SKAP2: variants seen among roughly 807,000 people sequenced by gnomAD.
SKAP2 encodes src kinase associated phosphoprotein 2.
In SKAP2, 28 loss-of-function variants were observed where a neutral mutation model predicts 54.9. The ratio of observed to expected loss-of-function variants is 0.51; its 90% CI spans 0.38 to 0.70. The LOEUF (loss-of-function observed/expected upper bound fraction) is 0.70. Among genes scored for constraint, SKAP2 ranks in the 30% least tolerant of loss-of-function variants. The pLI is 0.00. For synonymous variants in SKAP2, 137 were observed against 134.3 expected, an observed-to-expected ratio of 1.02 and a Z score of -0.14; for missense variants, 356 against 424.1, an observed-to-expected ratio of 0.84 and a Z score of 1.41.
intron 4 of SKAP2, among the ~76,000 whole-genome samples, chr7:26,840,356 G>A (rs1784795788): frequency 6.6e-6 from 1 of 152,056 alleles, no homozygotes; most frequent in Non-Finnish European, 1.5e-5. Flanking sequence ...CTAGCTCACT[G>A]AATCCTTTCA....
intron 1 of SKAP2, among the ~76,000 whole-genome samples, chr7:26,855,651 G>C (rs1785146817): frequency 6.6e-6 from 1 of 151,944 alleles, no homozygotes; most frequent in Non-Finnish European, 1.5e-5. Flanking sequence ...TTCCCTCATA[G>C]CCTCTTTTTT....
chr7:26,719,925 G>C (rs886491965), intron 9 of SKAP2, among the ~76,000 whole-genome samples: 16 of 152,190 alleles, frequency 1.1e-4, no homozygotes, highest in African/African-American at 3.6e-4. Flanking sequence ...TTACATCCCT[G>C]TGGCCAGGGT....
At chr7:26,703,632 C>T (rs1198237833) in intron 9 of SKAP2, among the ~76,000 whole-genome samples, 1 of 152,036 alleles carries the variant, frequency 6.6e-6, no homozygotes, top group African/African-American at 2.4e-5. Flanking sequence ...ATCTGGACAA[C>T]AGAACTATAA....
chr7:26,827,359 A>T (rs191071427), intron 4 of SKAP2, among the ~76,000 whole-genome samples: 2 of 152,346 alleles, frequency 1.3e-5, no homozygotes. Flanking sequence ...ATTCCAAATG[A>T]AAAACTTTCA....
chr7:26,806,472 G>T (rs1413897886), intron 4 of SKAP2, among the ~76,000 whole-genome samples: 1 of 152,172 alleles, frequency 6.6e-6, no homozygotes, highest in Non-Finnish European at 1.5e-5. Context: ...AGCTACTCAG[G>T]AAACAGGTAG....
chr7:26,864,213 C>G, intron 1 of SKAP2, 150 bp downstream of exon 1: 1 of 876,724 alleles, frequency 1.1e-6, no homozygotes, highest in South Asian at 1.6e-5. Flanking sequence ...AACAACCCCT[C>G]TCCTCTCCTC....
At chr7:26,854,558 G>A (rs1785119724) in intron 2 of SKAP2, among the ~76,000 whole-genome samples, 1 of 151,942 alleles carries the variant, frequency 6.6e-6, no homozygotes, top group Non-Finnish European at 1.5e-5. Flanking sequence ...GCTGAACTCT[G>A]CTAGAATGCT....
At chr7:26,803,696 T>C (rs1783962557) in intron 4 of SKAP2, among the ~76,000 whole-genome samples, 1 of 152,212 alleles carries the variant, frequency 6.6e-6, no homozygotes, top group Non-Finnish European at 1.5e-5. Context: ...TTATTTATGA[T>C]AGCTAAGATT....
At chr7:26,741,516 G>C (rs1161603696) in intron 4 of SKAP2, among the ~76,000 whole-genome samples, 1 of 149,548 alleles carries the variant, frequency 6.7e-6, no homozygotes, top group Non-Finnish European at 1.5e-5. Flanking sequence ...TCCAGCCTGG[G>C]TAATAGAGTG....
At chr7:26,797,659 G>T (rs1293154846) in intron 4 of SKAP2, among the ~76,000 whole-genome samples, 1 of 152,062 alleles carries the variant, frequency 6.6e-6, no homozygotes, top group Non-Finnish European at 1.5e-5. Context: ...AGGAAAACAT[G>T]ACTTCACCAA....
At chr7:26,702,039 T>C (rs1426810489) in intron 9 of SKAP2, among the ~76,000 whole-genome samples, 1 of 152,228 alleles carries the variant, frequency 6.6e-6, no homozygotes, top group Non-Finnish European at 1.5e-5. Flanking sequence ...TATCTGCTTT[T>C]GTCCAATTTT....
chr7:26,864,422 T>C lies in SKAP2; in HGVS notation c.8A>G (p.Asn3Ser). Residue 3 changes from asparagine (N) to serine (S), a missense_variant, in exon 1 of 13, where the codon AAC (asparagine) becomes AGC (serine). By Grantham distance (46) the Asn-to-Ser change is conservative. Coordinates refer to ENST00000345317, the MANE Select transcript of SKAP2 (RefSeq NM_003930.5). MP[N>S]PSSTSSPYPL... Reference sequence around the variant, plus strand: ...GTAGGGAGAGGAGGTGCTGCTGGGGTTGGGCATGTTAGGGAGCGCAGGGCG... The same window carrying C: ...GTAGGGAGAGGAGGTGCTGCTGGGGCTGGGCATGTTAGGGAGCGCAGGGCG... The C allele has an allele frequency of 6.2e-7, 1 of 1,607,928 alleles. No homozygotes were observed. The highest frequency in any genetic ancestry group is 8.5e-7 in the Non-Finnish European group (1 of 1,177,038).
At chr7:26,775,530 C>CGT (rs59902431) in intron 4 of SKAP2, among the ~76,000 whole-genome samples, 218 of 146,300 alleles carry the variant, frequency 1.5e-3, no homozygotes, top group African/African-American at 4.1e-3. Context: ...TTTACTTGTA[C>CGT]GTGTGTGTGT....
the SKAP2 span, among the ~76,000 whole-genome samples, chr7:26,654,866 T>C: frequency 6.6e-6 from 1 of 152,230 alleles, no homozygotes; most frequent in South Asian, 2.1e-4. Context: ...GCTTTAAATA[T>C]GCAAACACAA....
intron 4 of SKAP2, among the ~76,000 whole-genome samples, chr7:26,841,804 C>T (rs1784822608): frequency 6.6e-6 from 1 of 151,942 alleles, no homozygotes; most frequent in African/African-American, 2.4e-5. Flanking sequence ...GAGTTTATAA[C>T]CCATTGAAGT....
At chr7:26,779,590 T>C (rs1445204709) in intron 4 of SKAP2, among the ~76,000 whole-genome samples, 1 of 152,038 alleles carries the variant, frequency 6.6e-6, no homozygotes, top group Non-Finnish European at 1.5e-5. Flanking sequence ...CTATAAAATA[T>C]ACTGTTTAAA....
At chr7:26,662,927 G>A (rs765184384), downstream of SKAP2, among the ~76,000 whole-genome samples, 12 of 152,092 alleles carry the variant, frequency 7.9e-5, no homozygotes, top group Non-Finnish European at 1.6e-4. Flanking sequence ...CTGAGGAGGA[G>A]GAGGAAAGTG....
intron 9 of SKAP2, among the ~76,000 whole-genome samples, chr7:26,697,049 T>C (rs1455162092): frequency 6.6e-6 from 1 of 152,114 alleles, no homozygotes; most frequent in Non-Finnish European, 1.5e-5. Flanking sequence ...TCTCATTTGA[T>C]AGAGTCAGGA....
chr7:26,742,985 C>A (rs1192044920), intron 4 of SKAP2, among the ~76,000 whole-genome samples: 5 of 151,892 alleles, frequency 3.3e-5, no homozygotes, highest in Non-Finnish European at 7.4e-5. Context: ...TAGATTGGTA[C>A]AAAGAAACAA....
Sources: gnomAD v4.1 joint callset for allele counts (sites outside exome capture counted in the v4.1 genomes callset) on GRCh38, gnomAD v4.1.1 for gene constraint, MANE v1.5 for transcripts, NCBI Gene and HGNC (gene_info 2026-07-23, HGNC 2026-07-21) for gene names.